AKR1B15: variants seen among roughly 807,000 people sequenced by gnomAD.
AKR1B15 encodes the protein estradiol 17-beta-dehydrogenase AKR1B15.
Under a neutral mutation model 38.5 loss-of-function variants are expected in AKR1B15, and 49 were observed. That is an observed-to-expected ratio of 1.27 (90% CI 1.01 to 1.62). The LOEUF (loss-of-function observed/expected upper bound fraction) is 1.62, where lower values mean the gene tolerates loss of function less well. Ranked by LOEUF, AKR1B15 falls within the 40% of genes most tolerant of loss-of-function variation. The probability of loss-of-function intolerance (pLI) is 0.00; values close to 1 mark genes in which losing one functional copy is unlikely to be tolerated. For synonymous variants in AKR1B15, 137 were observed against 135.5 expected, an observed-to-expected ratio of 1.01 and a Z score of -0.08; for missense variants, 411 against 381.6, an observed-to-expected ratio of 1.08 and a Z score of -0.64.
chr7:134,550,673 A>G (rs947493932), intron 1 of AKR1B15, among the ~76,000 whole-genome samples: 3 of 152,212 alleles, frequency 2.0e-5, no homozygotes, highest in Non-Finnish European at 4.4e-5. Flanking sequence ...GCTGGGTTTA[A>G]TATTTTTGTT....
At chr7:134,549,831 G>A (rs138023425) in intron 1 of AKR1B15, among the ~76,000 whole-genome samples, 236 of 152,252 alleles carry the variant, frequency 1.6e-3, no homozygotes, top group Non-Finnish European at 2.6e-3. Flanking sequence ...ATGTCGGATC[G>A]TCGATACTGC....
chr7:134,568,247 A>G lies in AKR1B15; in HGVS notation c.240A>G (p.Gln80=). 6.2e-7 allele frequency: 1 copy of G among 1,614,162 alleles called. No individual in the cohort carries two copies. Among genetic ancestry groups the G allele is most frequent in the African/African-American group, 1.3e-5 (1 of 75,066 alleles). The change falls in exon 4 of 12, where the codon CAA becomes CAG. Residue 80 remains glutamine (Q), a synonymous_variant. Transcript: ENST00000457545. ...ACTGTGCCTATTTCTATGAGAATCA[A>G]CATGAGGTGGGAGAAGCCATCCAAG... The part of the protein sequence containing the change: ...HIDCAYFYEN[Q]HEVGEAIQEK...
intron 1 of AKR1B15, among the ~76,000 whole-genome samples, chr7:134,551,967 G>C (rs1435404517): frequency 6.6e-6 from 1 of 152,136 alleles, no homozygotes; most frequent in Non-Finnish European, 1.5e-5. Context: ...CACAGTGGGG[G>C]GCCAGCCTGT....
chr7:134,574,776 C>T (rs1477489077), intron 6 of AKR1B15, among the ~76,000 whole-genome samples: 2 of 152,238 alleles, frequency 1.3e-5, no homozygotes, highest in Non-Finnish European at 2.9e-5. Flanking sequence ...GTCCATGCAG[C>T]TTCTGTACCA....
intron 11 of AKR1B15, among the ~76,000 whole-genome samples, chr7:134,578,184 A>T (rs923431952): frequency 6.6e-5 from 10 of 152,212 alleles, no homozygotes; most frequent in African/African-American, 2.4e-4. Context: ...CAACAGAAAT[A>T]AATCAACTCA....
chr7:134,576,470 G>T (rs374689200), intron 9 of AKR1B15, 40 bp downstream of exon 9: 26 of 1,603,004 alleles, frequency 1.6e-5, no homozygotes, highest in African/African-American at 5.4e-5. Context: ...AACCACTCAT[G>T]CTTCCAGTCT....
At chr7:134,557,067 G>A (rs1253041778) in intron 2 of AKR1B15, among the ~76,000 whole-genome samples, 2 of 152,162 alleles carry the variant, frequency 1.3e-5, no homozygotes, top group Non-Finnish European at 2.9e-5. Context: ...AAGAGTTCGA[G>A]AAAATCTAGA....
At chr7:134,572,631 GAA>G (rs367742933) in intron 6 of AKR1B15, among the ~76,000 whole-genome samples, 2 of 125,700 alleles carry the variant, frequency 1.6e-5, no homozygotes, top group Admixed American at 8.1e-5. Flanking sequence ...CCATCTTGAA[GAA>G]AAAAAAAAAA....
intron 2 of AKR1B15, among the ~76,000 whole-genome samples, chr7:134,562,777 T>A (rs756848305): frequency 1.1e-4 from 17 of 152,018 alleles, no homozygotes; most frequent in Non-Finnish European, 2.2e-4. Context: ...CCAGGCTTCT[T>A]TCTTAATCTT....
chr7:134,550,851 A>G (rs966692210), intron 1 of AKR1B15, among the ~76,000 whole-genome samples: 11 of 152,188 alleles, frequency 7.2e-5, no homozygotes. Context: ...TAGAATGGCC[A>G]AAGTTTGGAA....
chr7:134,568,215 C>G lies in AKR1B15; in HGVS notation c.208C>G (p.His70Asp), dbSNP rs753247888. 5 of 1,614,064 alleles carry G rather than the reference C, an allele frequency of 3.1e-6. No individual in the cohort carries two copies. In the South Asian group the frequency reaches 5.5e-5, roughly 18 times the overall value. Residue 70 changes from histidine (H) to aspartate (D), a missense_variant, in exon 4 of 12, where the codon CAC (histidine) becomes GAC (aspartate). Around this residue, in one of 3 missense-constraint regions of AKR1B15, gnomAD observed 254 missense variants for 212.4 expected, o/e 1.20. Coordinates refer to ENST00000457545, the MANE Select transcript of AKR1B15 (RefSeq NM_001080538.3). ...VKVAIDAEYR[H>D]IDCAYFYENQ... is the part of the protein sequence containing the mutation. ...GGTGGCCATTGATGCAGAATATCGCCACATTGACTGTGCCTATTTCTATGA... is the reference window on the plus strand; with the variant it reads ...GGTGGCCATTGATGCAGAATATCGCGACATTGACTGTGCCTATTTCTATGA...
Position 134,568,175 on chromosome 7 carries a change from G to T in AKR1B15, c.168G>T (p.Val56=). The T allele has an allele frequency of 6.2e-7, 1 of 1,614,064 alleles. No individual in the cohort carries two copies. Among genetic ancestry groups the T allele is most frequent in the Non-Finnish European group, 8.5e-7 (1 of 1,179,974 alleles). Residue 56 remains valine, a synonymous_variant, in exon 4 of 12, where the codon GTG becomes GTT. Transcript: ENST00000457545. ...RPYPASLLGK[V]KEAVKVAIDA... ...CTTTTCAGTCTCTTCTCGGCAAAGT[G>T]AAAGAAGCGGTGAAGGTGGCCATTG...
At chr7:134,549,516 C>T (rs192212085) in intron 1 of AKR1B15, among the ~76,000 whole-genome samples, 4 of 152,234 alleles carry the variant, frequency 2.6e-5, no homozygotes, top group Admixed American at 6.5e-5. Context: ...CAAGGGCTTG[C>T]GCTTGAATTT....
chr7:134,568,366 C>A, intron 4 of AKR1B15, 41 bp downstream of exon 4: 7 of 1,608,066 alleles, frequency 4.4e-6, no homozygotes, highest in Non-Finnish European at 6.0e-6. Flanking sequence ...CACTTCAAGG[C>A]AGGCAGAAGT....
chr7:134,571,701 A>C lies in AKR1B15; in HGVS notation c.513+20A>C. The C allele has an allele frequency of 6.3e-7, 1 of 1,598,824 alleles. No individual in the cohort carries two copies. Among genetic ancestry groups the C allele is most frequent in the Non-Finnish European group, 8.6e-7 (1 of 1,167,320 alleles). On this transcript the variant is annotated intron_variant, in intron 6 of 11. Transcript: ENST00000457545. ...TGGGAGGTAGGTTCCAGCTTTGTCT[A>C]AGTGTGCTGGGAGAGAAATCCTCAG...
intron 2 of AKR1B15, among the ~76,000 whole-genome samples, chr7:134,561,904 A>C (rs1794405151): frequency 6.6e-6 from 1 of 152,132 alleles, no homozygotes. Flanking sequence ...GCTGCTTCTC[A>C]CCTCTCCTCC....
chr7:134,568,368 G>T, intron 4 of AKR1B15, 43 bp downstream of exon 4: 3 of 1,607,954 alleles, frequency 1.9e-6, no homozygotes, highest in Non-Finnish European at 2.6e-6. Flanking sequence ...CTTCAAGGCA[G>T]GCAGAAGTAT....
At position 134,575,402 on chromosome 7, in the gene AKR1B15, T is replaced by C. The variant is rs1409991098; in HGVS notation, c.514-18T>C. ...AGTCCCTCTAGAGCTGCCCATAAGGTATTCCTTTCTATGATAGGCCATGGA... is the reference window on the plus strand; with the variant it reads ...AGTCCCTCTAGAGCTGCCCATAAGGCATTCCTTTCTATGATAGGCCATGGA... On this transcript the variant is annotated intron_variant, in intron 6 of 11. Coordinates refer to ENST00000457545, the MANE Select transcript of AKR1B15 (RefSeq NM_001080538.3). 6.2e-7 allele frequency: 1 copy of C among 1,613,138 alleles called. No homozygotes were observed. The highest frequency in any genetic ancestry group is 8.5e-7 in the Non-Finnish European group (1 of 1,179,556).
At chr7:134,576,580 C>T (rs1172645740) in intron 9 of AKR1B15, 150 bp downstream of exon 9, 2 of 921,654 alleles carry the variant, frequency 2.2e-6, no homozygotes, top group East Asian at 5.3e-5. Flanking sequence ...CTGTTGGAAC[C>T]TCTAGGAAAC....
Sources: gnomAD v4.1 joint callset for allele counts (sites outside exome capture counted in the v4.1 genomes callset) on GRCh38, gnomAD v4.1.1 for gene constraint, gnomAD v4.1.1 regional missense constraint, MANE v1.5 for transcripts, NCBI Gene and HGNC (gene_info 2026-07-23, HGNC 2026-07-21) for gene names.